Variants in FSTL5 observed in about 807,000 individuals in gnomAD.
FSTL5 encodes follistatin-related protein 5.
A neutral mutation model predicts 89.1 loss-of-function variants in FSTL5; 62 were observed. That is an observed-to-expected ratio of 0.70 (90% CI 0.57 to 0.86). FSTL5 has a LOEUF of 0.86. FSTL5 is among the 40% of genes least tolerant of loss of function. The pLI is 0.00. For synonymous variants in FSTL5, 383 were observed against 346.2 expected (o/e 1.11, Z -1.18); for missense variants, 1,057 against 1,001.6 (o/e 1.06, Z -0.75).
At chr4:161,389,968 A>G (rs1730766468) in intron 15 of FSTL5, among the ~76,000 whole-genome samples, 1 of 152,188 alleles carries the variant, frequency 6.6e-6, no homozygotes, top group South Asian at 2.1e-4. Flanking sequence ...GTGTGGCTAT[A>G]ACTTTCCATT....
chr4:162,080,912 A>T (rs1039808916), intron 2 of FSTL5, among the ~76,000 whole-genome samples: 2 of 151,814 alleles, frequency 1.3e-5, no homozygotes, highest in East Asian at 1.9e-4. Flanking sequence ...GAAGTTTAAA[A>T]TTATTGCTGT....
chr4:161,442,147 G>GC (rs1732792798), intron 15 of FSTL5, among the ~76,000 whole-genome samples: 1 of 142,836 alleles, frequency 7.0e-6, no homozygotes, highest in South Asian at 2.2e-4. Flanking sequence ...TCTATAAAAG[G>GC]TTTTTTTTTT....
At chr4:161,743,372 C>A (rs1740091017) in intron 6 of FSTL5, among the ~76,000 whole-genome samples, 1 of 152,080 alleles carries the variant, frequency 6.6e-6, no homozygotes, top group South Asian at 2.1e-4. Context: ...GTTCTAGAAT[C>A]TCTTTTATCT....
chr4:161,835,948 T>A (rs1335725751), intron 4 of FSTL5, among the ~76,000 whole-genome samples: 4 of 151,884 alleles, frequency 2.6e-5, no homozygotes, highest in Non-Finnish European at 5.9e-5. Flanking sequence ...GCCATCCCAT[T>A]ACTGGGTATA....
intron 1 of FSTL5, among the ~76,000 whole-genome samples, chr4:162,134,358 C>T (rs563642023): frequency 6.6e-6 from 1 of 152,276 alleles, no homozygotes; most frequent in Admixed American, 6.5e-5. Flanking sequence ...TGTGATTTCA[C>T]TGCCCCTGCG....
chr4:162,046,527 A>G (rs1400604646), intron 2 of FSTL5, among the ~76,000 whole-genome samples: 1 of 152,134 alleles, frequency 6.6e-6, no homozygotes, highest in East Asian at 1.9e-4. Flanking sequence ...AAGATTATAT[A>G]AAAATACATT....
At chr4:162,020,834 G>A (rs1298691680) in intron 3 of FSTL5, among the ~76,000 whole-genome samples, 2 of 152,066 alleles carry the variant, frequency 1.3e-5, no homozygotes, top group Non-Finnish European at 2.9e-5. Flanking sequence ...AAATATTTAT[G>A]ATTTTTCAGC....
At position 161,556,974 on chromosome 4, in the gene FSTL5, T is replaced by G. The variant is rs992610071; in HGVS notation, c.1016-14281A>C. The stretch of plus-strand genomic sequence containing the variant: ...ATAAACCGAGAGTTATAAATATAGT[T>G]TCCTAATTTCAGAATGAGCTTCTTA... On this transcript the variant is annotated intron_variant, in intron 8 of 15. Coordinates refer to ENST00000306100, the MANE Select transcript of FSTL5 (RefSeq NM_020116.5). 5.9e-5 allele frequency among the ~76,000 whole-genome samples: 9 copies of G among 151,274 alleles called. No homozygotes were observed. The South Asian group carries it at 1.2e-3, about 21-fold the overall frequency.
chr4:161,577,832 T>C (rs956537327), intron 8 of FSTL5, among the ~76,000 whole-genome samples: 1 of 152,114 alleles, frequency 6.6e-6, no homozygotes, highest in Non-Finnish European at 1.5e-5. Context: ...ATAGGTGCCA[T>C]ATGAGTTGGA....
intron 15 of FSTL5, among the ~76,000 whole-genome samples, chr4:161,396,639 G>A (rs1374145428): frequency 2.7e-5 from 4 of 146,374 alleles, no homozygotes. Flanking sequence ...GGGTGACAGA[G>A]CAACACTCTG....
rs541621612 is a variant in FSTL5 at position 162,157,274 on chromosome 4, A to T, written c.-17+6341T>A. Reference sequence around the variant, plus strand: ...TTAAATATTTATAAATTTTTAGACCAAAGTAAATTGAAGGAGAATTTGTCA... The same window carrying T: ...TTAAATATTTATAAATTTTTAGACCTAAGTAAATTGAAGGAGAATTTGTCA... On this transcript the variant is annotated intron_variant, in intron 1 of 15. Coordinates refer to ENST00000306100, the MANE Select transcript of FSTL5 (RefSeq NM_020116.5). Among the ~76,000 whole-genome samples the T allele has an allele frequency of 2.0e-5, 3 of 152,270 alleles. No homozygotes were observed. In the East Asian group the frequency reaches 5.8e-4, roughly 29 times the overall value.
At chr4:162,113,518 C>T (rs1437681393) in intron 1 of FSTL5, among the ~76,000 whole-genome samples, 1 of 152,122 alleles carries the variant, frequency 6.6e-6, no homozygotes, top group African/African-American at 2.4e-5. Flanking sequence ...TTATTGCACT[C>T]ATTAATAACT....
intron 2 of FSTL5, among the ~76,000 whole-genome samples, chr4:162,090,741 C>G (rs1027824165): frequency 2.0e-5 from 3 of 151,906 alleles, no homozygotes; most frequent in Admixed American, 6.6e-5. Flanking sequence ...ATCCCTTGAA[C>G]CTGGGAGGTG....
chr4:161,649,861 C>A (rs760972641), intron 7 of FSTL5, among the ~76,000 whole-genome samples: 5 of 152,148 alleles, frequency 3.3e-5, no homozygotes, highest in Non-Finnish European at 7.3e-5. Context: ...CTGCTTTATA[C>A]CGCTACGGAA....
At chr4:161,671,869 A>G (rs886204109) in intron 6 of FSTL5, among the ~76,000 whole-genome samples, 1 of 152,148 alleles carries the variant, frequency 6.6e-6, no homozygotes, top group African/African-American at 2.4e-5. Flanking sequence ...TCTGGCATGT[A>G]GAAGAACTAT....
At chr4:161,602,993 T>C (rs189629943) in intron 7 of FSTL5, among the ~76,000 whole-genome samples, 10 of 152,304 alleles carry the variant, frequency 6.6e-5, no homozygotes, top group Admixed American at 2.0e-4. Context: ...TTGGTATATT[T>C]ATAATTTACT....
chr4:162,045,067 C>T (rs909601151), intron 2 of FSTL5, among the ~76,000 whole-genome samples: 2 of 152,102 alleles, frequency 1.3e-5, no homozygotes, highest in African/African-American at 2.4e-5. Context: ...TTCCTTTGTA[C>T]TCACAACTTG....
chr4:162,106,918 G>A (rs978307352), intron 2 of FSTL5, among the ~76,000 whole-genome samples: 1 of 152,122 alleles, frequency 6.6e-6, no homozygotes, highest in African/African-American at 2.4e-5. Context: ...TTGAACAGAC[G>A]CTGTTTGCAA....
At chr4:161,712,836 A>AC (rs776084641) in intron 6 of FSTL5, among the ~76,000 whole-genome samples, 1 of 151,174 alleles carries the variant, frequency 6.6e-6, no homozygotes, top group African/African-American at 2.4e-5. Context: ...TTGACCCCTC[A>AC]CCCCCCTCTC....
Sources: gnomAD v4.1 joint callset for allele counts (sites outside exome capture counted in the v4.1 genomes callset) on GRCh38, gnomAD v4.1.1 for gene constraint, MANE v1.5 for transcripts, NCBI Gene and HGNC (gene_info 2026-07-23, HGNC 2026-07-21) for gene names.